The following FER1L5 variants were observed in gnomAD, a reference collection of about 807,000 sequenced individuals.
The protein encoded by FER1L5 is fer-1 like family member 5.
In FER1L5, 187 loss-of-function variants were observed where a neutral mutation model predicts 279.9. The observed-to-expected ratio is 0.67, with a 90% confidence interval of 0.59 to 0.75. FER1L5 has a LOEUF of 0.75. FER1L5 is among the 30% of genes least tolerant of loss of function. The probability of loss-of-function intolerance (pLI) is 0.00; values close to 1 mark genes in which losing one functional copy is unlikely to be tolerated. For missense variants in FER1L5, 2,091 were observed against 2,594.4 expected, an observed-to-expected ratio of 0.81 and a Z score of 4.21; for synonymous variants, 921 against 989.7, an observed-to-expected ratio of 0.93 and a Z score of 1.30.
At chr2:96,687,178 C>T (rs28573689) in intron 23 of FER1L5, among the ~76,000 whole-genome samples, 7,459 of 152,242 alleles carry the variant, frequency 0.049, 595 homozygotes, top group African/African-American at 0.17. Flanking sequence ...GAGAAGGTGC[C>T]GCCTTGCCAC....
chr2:96,664,761 C>A (rs2076071519), intron 14 of FER1L5, among the ~76,000 whole-genome samples: 1 of 152,184 alleles, frequency 6.6e-6, no homozygotes. Context: ...TACAACTGAA[C>A]TTTCCAGAGA....
At position 96,662,209 on chromosome 2, in the gene FER1L5, T is replaced by C; in HGVS notation, c.1019-6T>C. ...GCTCAGATATCTTTTAACTTGTTGT[T>C]CATAGAGAAACACCAGTCAGTGAAT... On this transcript the variant is annotated splice_region_variant and splice_polypyrimidine_tract_variant and intron_variant, in intron 12 of 52. Coordinates refer to ENST00000624922, the MANE Select transcript of FER1L5 (RefSeq NM_001293083.2). 6.4e-7 allele frequency: 1 copy of C among 1,551,562 alleles called. No homozygotes were observed. Among genetic ancestry groups the C allele is most frequent in the Non-Finnish European group, 8.7e-7 (1 of 1,146,914 alleles).
In FER1L5 at chr2:96,697,908, GCA is replaced by G. The variant is rs1218910499; in HGVS notation, c.4237-124_4237-123del. 4.1e-6 allele frequency: 6 copies of G among 1,461,500 alleles called. No individual in the cohort carries two copies. The African/African-American group carries it at 8.4e-5, about 20-fold the overall frequency. The allele number at this position is 1,461,500 out of a possible 1,614,324, so 90.5% of individuals were successfully genotyped here. On this transcript the variant is annotated intron_variant, in intron 39 of 52. Transcript: ENST00000624922. ...AGCTCCAGCTGCCACCCTGTCTGAA[GCA>G]CACAGTGCTGGCCCCAGGGCCGCTG...
chr2:96,667,664 G>A (rs189536435), intron 14 of FER1L5, among the ~76,000 whole-genome samples: 1 of 151,948 alleles, frequency 6.6e-6, no homozygotes, highest in East Asian at 1.9e-4. Context: ...TATTCTTTGA[G>A]GAGACAGATA....
In FER1L5 at chr2:96,702,807, C is replaced by T. The variant is rs932163019; in HGVS notation, c.5397+66C>T. 10 of 1,585,646 alleles carry T rather than the reference C, an allele frequency of 6.3e-6. No individual in the cohort carries two copies. Among genetic ancestry groups the T allele is most frequent in the Admixed American group, 3.6e-5 (2 of 55,988 alleles). On this transcript the variant is annotated intron_variant, in intron 48 of 52. Transcript: ENST00000624922. This position sits in a 1 kb window ranked among gnomAD's most constrained non-coding sequence, Gnocchi z 4.0. ...ACAGACCCAGGCTCCTGGAGCTCCTCCCCCCACCCCTCCAGAGGCTTGCAA... is the reference window on the plus strand; with the variant it reads ...ACAGACCCAGGCTCCTGGAGCTCCTTCCCCCACCCCTCCAGAGGCTTGCAA...
chr2:96,647,045 C>T lies in FER1L5; in HGVS notation c.139-19C>T. On this transcript the variant is annotated intron_variant, in intron 2 of 52. Transcript: ENST00000624922. ...GGAAGGGCAGAGGGAGGATGCTGAC[C>T]TCTCTATGCCCCCCACAGACCCTAA... is the stretch of plus-strand genomic sequence containing the variant. 2 of 1,550,860 alleles carry T rather than the reference C, an allele frequency of 1.3e-6. No individual in the cohort carries two copies. The highest frequency in any genetic ancestry group is 1.7e-6 in the Non-Finnish European group (2 of 1,146,440).
At chr2:96,703,490 A>T in intron 50 of FER1L5, 33 bp from the exon 51 acceptor site, 1 of 1,612,740 alleles carries the variant, frequency 6.2e-7, no homozygotes, top group Non-Finnish European at 8.5e-7. Flanking sequence ...TGCTGTCTGC[A>T]CTCAGCCTCC....
chr2:96,700,212 C>A, intron 44 of FER1L5, 120 bp from the exon 45 acceptor site: 2 of 1,551,096 alleles, frequency 1.3e-6, no homozygotes, highest in Non-Finnish European at 8.7e-7. Flanking sequence ...AGCCAAAGAG[C>A]AGCCCATCCC....
chr2:96,703,509 C>T lies in FER1L5; in HGVS notation c.5692-14C>T. On this transcript the variant is annotated splice_polypyrimidine_tract_variant and intron_variant, in intron 50 of 52. Coordinates refer to ENST00000624922, the MANE Select transcript of FER1L5 (RefSeq NM_001293083.2). ...GTCTGCACTCAGCCTCCCCCTCACC[C>T]ATGGTGTTCCTAGGGCAAGGTGAAG... 1.2e-6 allele frequency: 2 copies of T among 1,613,756 alleles called. No homozygotes were observed. Among genetic ancestry groups the T allele is most frequent in the South Asian group, 1.1e-5 (1 of 91,080 alleles).
intron 24 of FER1L5, chr2:96,688,993 GCAGCATC>G: frequency 1.9e-6 from 1 of 540,440 alleles, no homozygotes; most frequent in African/African-American, 2.0e-5. Context: ...GTCCACACAT[GCAGCATC>G]CACCCCACTC....
Position 96,703,598 on chromosome 2 carries a change from G to A in FER1L5, c.5767G>A (p.Glu1923Lys). Residue 1923 changes from glutamate (E) to lysine (K), a missense_variant, in exon 51 of 53, where the codon GAA becomes AAA. By Grantham distance (56) the Glu-to-Lys change is moderately conservative. Coordinates refer to ENST00000624922, the MANE Select transcript of FER1L5 (RefSeq NM_001293083.2). ...LIKPAGRGQS[E>K]PNQYPTLHPP... ...CAAGCCAGCCGGGCGAGGCCAGTCG[G>A]AACCCAACCAGTACCCCACACTTCA... is the stretch of plus-strand genomic sequence containing the variant. 1 of 1,613,938 alleles carries A rather than the reference G, an allele frequency of 6.2e-7. No homozygotes were observed. Among genetic ancestry groups the A allele is most frequent in the Non-Finnish European group, 8.5e-7 (1 of 1,179,880 alleles).
intron 9 of FER1L5, among the ~76,000 whole-genome samples, chr2:96,659,658 A>AT (rs1207995498): frequency 6.7e-6 from 1 of 150,236 alleles, no homozygotes; most frequent in South Asian, 2.1e-4. Flanking sequence ...CGCCCGGCTA[A>AT]TTTTTTGTAT....
Position 96,684,403 on chromosome 2 carries a change from C to T in FER1L5, c.1746C>T (p.Ser582=), listed in dbSNP as rs1385946577. The T allele has an allele frequency of 2.6e-6, 4 of 1,551,670 alleles. No homozygotes were observed. Among genetic ancestry groups the T allele is most frequent in the Non-Finnish European group, 3.5e-6 (4 of 1,146,994 alleles). ...TGACCTCCAACTGGGAGGACGTCAGCTTCCGCATGAACTGCCTCAACCTCC... is the reference window on the plus strand; with the variant it reads ...TGACCTCCAACTGGGAGGACGTCAGTTTCCGCATGAACTGCCTCAACCTCC... ...VAVTSNWEDV[S]FRMNCLNLLH... The change falls in exon 20 of 53, where the codon AGC becomes AGT. Residue 582 remains serine (S), a synonymous_variant. Coordinates refer to ENST00000624922, the MANE Select transcript of FER1L5 (RefSeq NM_001293083.2).
intron 39 of FER1L5, 25 bp downstream of exon 39, chr2:96,697,786 T>C (rs1368356320): frequency 6.2e-7 from 1 of 1,610,536 alleles, no homozygotes; most frequent in African/African-American, 1.3e-5. Context: ...AGAAATGGGA[T>C]GGAATCAAAT....
Position 96,693,570 on chromosome 2 carries a change from A to G in FER1L5, c.3357A>G (p.Ala1119=), listed in dbSNP as rs375557323. 8.8e-5 allele frequency: 137 copies of G among 1,551,412 alleles called. No homozygotes were observed. The highest frequency in any genetic ancestry group is 1.2e-4 in the Non-Finnish European group (133 of 1,146,954). Residue 1119 remains alanine (A), a synonymous_variant, in exon 32 of 53, where the codon GCA becomes GCG. Transcript: ENST00000624922. The part of the protein sequence containing the change: ...SQCTQTLRSS[A]GPTWAQTLIF... ...GCACCCAAACCCTGAGGAGCTCTGC[A>G]GGCCCCACATGGGCCCAGACACTCA...
chr2:96,702,259 G>A lies in FER1L5; in HGVS notation c.5160-47G>A. 1 of 1,589,936 alleles carries A rather than the reference G, an allele frequency of 6.3e-7. No individual in the cohort carries two copies. Among genetic ancestry groups the A allele is most frequent in the African/African-American group, 1.3e-5 (1 of 74,444 alleles). ...CTTCTCTGCCCTCACTGAGGCTGCAGCTGGGGAGCTCCTCCTCAGCAAAGC... is the reference window on the plus strand; with the variant it reads ...CTTCTCTGCCCTCACTGAGGCTGCAACTGGGGAGCTCCTCCTCAGCAAAGC... On this transcript the variant is annotated intron_variant, in intron 46 of 52. Coordinates refer to ENST00000624922, the MANE Select transcript of FER1L5 (RefSeq NM_001293083.2). This position sits in a 1 kb window ranked among gnomAD's most constrained non-coding sequence, Gnocchi z 4.0.
In FER1L5 at chr2:96,702,633, G is replaced by A; in HGVS notation, c.5289G>A (p.Lys1763=). 6.3e-7 allele frequency: 1 copy of A among 1,594,114 alleles called. No individual in the cohort carries two copies. The highest frequency in any genetic ancestry group is 1.1e-5 in the South Asian group (1 of 88,042). Residue 1763 remains lysine (K), a synonymous_variant, in exon 48 of 53, where the codon AAG becomes AAA. Transcript: ENST00000624922. This position sits in a 1 kb window ranked among gnomAD's most constrained non-coding sequence, Gnocchi z 4.0. ...WLYGLEKDMQ[K]TDIHYHSLTG... ...ACGGGCTGGAGAAGGACATGCAGAA[G>A]ACAGACATCCACTACCACTCGCTGA...
intron 37 of FER1L5, among the ~76,000 whole-genome samples, chr2:96,696,842 T>C (rs561107524): frequency 4.0e-4 from 61 of 152,160 alleles, no homozygotes; most frequent in Middle Eastern, 6.8e-3. Flanking sequence ...GAGGTGGAGG[T>C]TGCAGTGAAT....
intron 18 of FER1L5, among the ~76,000 whole-genome samples, chr2:96,670,724 T>G (rs907664621): frequency 1.3e-5 from 2 of 151,460 alleles, no homozygotes; most frequent in African/African-American, 4.9e-5. Context: ...AGGCGGAGGT[T>G]GCAGTGGGCA....
Sources: allele counts gnomAD v4.1 joint callset (sites outside exome capture counted in the v4.1 genomes callset), GRCh38; gene constraint gnomAD v4.1.1; non-coding constraint Gnocchi (gnomAD v3.1); transcripts MANE v1.5; gene names NCBI Gene and HGNC (gene_info 2026-07-23, HGNC 2026-07-21).